The following SH3RF2 variants were observed in gnomAD, a reference collection of about 807,000 sequenced individuals.
The protein encoded by SH3RF2 is E3 ubiquitin-protein ligase SH3RF2.
In SH3RF2, 43 loss-of-function variants were observed where a neutral mutation model predicts 59.0. The observed-to-expected ratio is 0.73, with a 90% CI of 0.57 to 0.94. The LOEUF is 0.94. Among genes scored for constraint, SH3RF2 ranks in the 40% least tolerant of loss-of-function variants. SH3RF2 has a pLI of 0.00. For synonymous variants in SH3RF2, 391 were observed against 391.5 expected, an observed-to-expected ratio of 1.00 and a Z score of 0.01; for missense variants, 930 against 940.1, an observed-to-expected ratio of 0.99 and a Z score of 0.14.
chr5:146,002,776 C>T (rs568015516), intron 3 of SH3RF2, among the ~76,000 whole-genome samples: 52 of 152,296 alleles, frequency 3.4e-4, no homozygotes, highest in Non-Finnish European at 6.9e-4. Flanking sequence ...GAGCGTGAAA[C>T]CTATTGTGAA....
At chr5:145,976,914 T>A (rs1302125994) in intron 2 of SH3RF2, among the ~76,000 whole-genome samples, 1 of 152,248 alleles carries the variant, frequency 6.6e-6, no homozygotes, top group Non-Finnish European at 1.5e-5. Flanking sequence ...GAGGAAGTCC[T>A]TCTAAGACTT....
intron 4 of SH3RF2, among the ~76,000 whole-genome samples, chr5:146,005,655 G>A (rs1453260509): frequency 1.3e-5 from 2 of 151,856 alleles, no homozygotes; most frequent in Non-Finnish European, 2.9e-5. Context: ...TCTCTTGCTG[G>A]GACCCCTTTC....
At chr5:145,950,917 G>A (rs541369044) in intron 2 of SH3RF2, among the ~76,000 whole-genome samples, 1 of 152,302 alleles carries the variant, frequency 6.6e-6, no homozygotes, top group South Asian at 2.1e-4. Context: ...CCAACCATGT[G>A]ACATGAAATG....
rs116466328 is a variant in SH3RF2, at chr5:145,997,498, A to G, written c.379-2560A>G. The G allele has an allele frequency of 2.0e-3, 3,133 of 1,595,526 alleles. 52 individuals are homozygous for G. In the African/African-American group the frequency reaches 0.038, roughly 19 times the overall value. On this transcript the variant is annotated intron_variant, in intron 2 of 9. Transcript: ENST00000359120. ...ATGGATACAGTACAATTTGGGAAAG[A>G]TGCTTATGTCTATCTGAAGAATCCT...
Position 146,000,251 on chromosome 5 carries a change from T to C in SH3RF2, c.572T>C (p.Leu191Pro). The stretch of plus-strand genomic sequence containing the variant: ...AAGCAGCTGCCCCAGCCGCCCCCGC[T>C]CTGCAGGGCCCTCTACAACTTCGAC... ...VIKQLPQPPP[L>P]CRALYNFDLR... The change falls in exon 3 of 10, where the codon CTC (leucine) becomes CCC (proline). Residue 191 changes from leucine (L) to proline (P), a missense_variant. By Grantham distance (98) the Leu-to-Pro change is moderately conservative (BLOSUM62 -3). Coordinates refer to ENST00000359120, the MANE Select transcript of SH3RF2 (RefSeq NM_152550.4). 6.2e-7 allele frequency: 1 copy of C among 1,613,970 alleles called. No homozygotes were observed. Among genetic ancestry groups the C allele is most frequent in the South Asian group, 1.1e-5 (1 of 91,052 alleles).
At position 146,028,503 on chromosome 5, in the gene SH3RF2, A is replaced by G. The variant is rs1017066174; in HGVS notation, c.1059+14442A>G. Among the ~76,000 whole-genome samples the G allele has an allele frequency of 2.6e-5, 4 of 152,208 alleles. No individual in the cohort carries two copies. The East Asian group carries it at 5.8e-4, about 22-fold the overall frequency. On this transcript the variant is annotated intron_variant, in intron 5 of 9. Coordinates refer to ENST00000359120, the MANE Select transcript of SH3RF2 (RefSeq NM_152550.4). ...CTTTCTCAGCCTCAGCACTATTGGCATTTTGAGCAAGATCATTGTTGCGGC... is the reference window on the plus strand; with the variant it reads ...CTTTCTCAGCCTCAGCACTATTGGCGTTTTGAGCAAGATCATTGTTGCGGC...
intron 2 of SH3RF2, among the ~76,000 whole-genome samples, chr5:145,962,530 G>A (rs1758667708): frequency 6.6e-6 from 1 of 152,122 alleles, no homozygotes; most frequent in South Asian, 2.1e-4. Context: ...GGGCTCAAAT[G>A]CTGCCTCTTT....
chr5:146,070,989 G>A (rs1446936590), intron 9 of SH3RF2, among the ~76,000 whole-genome samples: 3 of 152,164 alleles, frequency 2.0e-5, no homozygotes, highest in Non-Finnish European at 2.9e-5. Context: ...GACTTAATGA[G>A]AGCCATTTTT....
At chr5:145,951,806 C>T (rs1453743689) in intron 2 of SH3RF2, among the ~76,000 whole-genome samples, 1 of 152,142 alleles carries the variant, frequency 6.6e-6, no homozygotes, top group Non-Finnish European at 1.5e-5. Flanking sequence ...TTATTTTCTC[C>T]GGGCTGGACT....
intron 5 of SH3RF2, among the ~76,000 whole-genome samples, chr5:146,022,874 A>AAAACAC (rs1448149367): frequency 1.4e-5 from 2 of 141,964 alleles, no homozygotes; most frequent in African/African-American, 5.4e-5. Context: ...GCTCCATCTA[A>AAAACAC]ACACACACAC....
intron 7 of SH3RF2, among the ~76,000 whole-genome samples, chr5:146,050,938 A>C (rs1203967022): frequency 6.6e-6 from 1 of 152,236 alleles, no homozygotes; most frequent in Non-Finnish European, 1.5e-5. Flanking sequence ...AAGTACAAAC[A>C]AAAGACCTGT....
intron 2 of SH3RF2, among the ~76,000 whole-genome samples, chr5:145,945,322 T>C (rs1361996429): frequency 6.6e-6 from 1 of 152,206 alleles, no homozygotes; most frequent in Non-Finnish European, 1.5e-5. Context: ...TTTTGCATAA[T>C]GAAAATGTTT....
At chr5:146,028,976 A>G (rs1283538128) in intron 5 of SH3RF2, among the ~76,000 whole-genome samples, 3 of 152,240 alleles carry the variant, frequency 2.0e-5, no homozygotes, top group Non-Finnish European at 2.9e-5. Context: ...CATATTGTGC[A>G]GAGAAACATA....
chr5:146,040,851 G>A (rs200462437), intron 5 of SH3RF2, among the ~76,000 whole-genome samples: 2 of 152,168 alleles, frequency 1.3e-5, no homozygotes, highest in African/African-American at 2.4e-5. Flanking sequence ...GGCAGCCGAA[G>A]CTCTGACTCC....
intron 5 of SH3RF2, among the ~76,000 whole-genome samples, chr5:146,035,063 G>T (rs895206514): frequency 5.9e-5 from 9 of 151,432 alleles, no homozygotes; most frequent in Non-Finnish European, 1.3e-4. Flanking sequence ...CTGAGATTGT[G>T]CCACTGTACT....
At chr5:146,018,929 G>A (rs896263517) in intron 5 of SH3RF2, among the ~76,000 whole-genome samples, 1 of 151,586 alleles carries the variant, frequency 6.6e-6, no homozygotes, top group African/African-American at 2.4e-5. Context: ...TATATATCTT[G>A]TGTATCTTCT....
At position 146,040,988 on chromosome 5, in the gene SH3RF2, G is replaced by A. The variant is rs1175055893; in HGVS notation, c.1060-6784G>A. On this transcript the variant is annotated intron_variant, in intron 5 of 9. Transcript: ENST00000359120. Reference sequence around the variant, plus strand: ...CAGGAACGGTGGTCATCCTGTCCACGAGCATAAACACACATGCCTCCTCCG... The same window carrying A: ...CAGGAACGGTGGTCATCCTGTCCACAAGCATAAACACACATGCCTCCTCCG... Among the ~76,000 whole-genome samples, 4 of 152,000 alleles carry A rather than the reference G, an allele frequency of 2.6e-5. No individual in the cohort carries two copies. The East Asian group carries it at 5.8e-4, about 22-fold the overall frequency.
chr5:145,986,689 T>C (rs1759720566), intron 2 of SH3RF2, among the ~76,000 whole-genome samples: 1 of 152,194 alleles, frequency 6.6e-6, no homozygotes, highest in African/African-American at 2.4e-5. Flanking sequence ...AAGCTATTTA[T>C]TGAGAACCAG....
At chr5:146,026,345 G>A (rs1399212517) in intron 5 of SH3RF2, among the ~76,000 whole-genome samples, 1 of 152,152 alleles carries the variant, frequency 6.6e-6, no homozygotes, top group Non-Finnish European at 1.5e-5. Flanking sequence ...CATCACGAGC[G>A]AGGCCTCAAA....
Sources: allele counts gnomAD v4.1 joint callset (sites outside exome capture counted in the v4.1 genomes callset), GRCh38; gene constraint gnomAD v4.1.1; transcripts MANE v1.5; gene names NCBI Gene and HGNC (gene_info 2026-07-23, HGNC 2026-07-21).